NCOR1: variants seen among roughly 807,000 people sequenced by gnomAD.
NCOR1 encodes protein phosphatase 1, regulatory subunit 109.
NCOR1 carries 63 observed loss-of-function variants against 288.1 expected under a neutral mutation model. The ratio of observed to expected loss-of-function variants is 0.22; its 90% CI spans 0.18 to 0.27. NCOR1 has a LOEUF of 0.27. Ranked by LOEUF, NCOR1 falls within the 10% of genes least tolerant of loss-of-function variation. The pLI, the probability that NCOR1 is intolerant of heterozygous loss-of-function variation, is 1.00. For missense variants in NCOR1, 2,397 were observed against 3,019.2 expected (o/e 0.79, Z 4.83); for synonymous variants, 1,007 against 1,065.9 (o/e 0.94, Z 1.08).
intron 23 of NCOR1, chr17:16,084,531 A>G (rs1243578723): frequency 6.6e-6 from 1 of 152,234 alleles, no homozygotes; most frequent in African/African-American, 2.4e-5. Context: ...CTTGAAAAAC[A>G]AAAACACTGA....
intron 19 of NCOR1, among the ~76,000 whole-genome samples, chr17:16,103,602 T>C (rs986420772): frequency 6.6e-6 from 1 of 152,220 alleles, no homozygotes; most frequent in Non-Finnish European, 1.5e-5. Context: ...CTTTATTTAG[T>C]TTGTTCAATG....
At chr17:16,050,068 A>G (rs777578312) in intron 40 of NCOR1, among the ~76,000 whole-genome samples, 5 of 151,716 alleles carry the variant, frequency 3.3e-5, no homozygotes, top group Non-Finnish European at 7.4e-5. Flanking sequence ...TATTTTTATT[A>G]TATGTTTTAT....
intron 14 of NCOR1, among the ~76,000 whole-genome samples, chr17:16,127,221 A>G (rs1486159920): frequency 2.7e-5 from 4 of 146,166 alleles, no homozygotes; most frequent in South Asian, 4.3e-4. Context: ...ATCTGTATGT[A>G]TATATACATG....
At position 16,186,630 on chromosome 17, in the gene NCOR1, G is replaced by C. The variant is rs765835833; in HGVS notation, c.166C>G (p.Leu56Val). 2 of 1,614,104 alleles carry C rather than the reference G, an allele frequency of 1.2e-6. No individual in the cohort carries two copies. Among genetic ancestry groups the C allele is most frequent in the South Asian group, 2.2e-5 (2 of 91,084 alleles). The change falls in exon 3 of 46, where the codon CTT (leucine) becomes GTT (valine). Residue 56 changes from leucine to valine, a missense_variant. Coordinates refer to ENST00000268712, the MANE Select transcript of NCOR1 (RefSeq NM_006311.4). ...TGTTGCTGCTGCTGTTGCTGCAAAA[G>C]CTGTGATGCCTGACTCACTTCAAGA... ...SHLEVSQASQ[L>V]LQQQQQQQLR...
chr17:16,200,552 G>A (rs957340314), intron 1 of NCOR1, among the ~76,000 whole-genome samples: 14 of 147,394 alleles, frequency 9.5e-5, no homozygotes, highest in African/African-American at 3.5e-4. Context: ...TGGCAGGACT[G>A]CAGATGCCAC....
chr17:16,139,328 T>C (rs2076844860), intron 11 of NCOR1, 142 bp from the exon 12 acceptor site: 1 of 545,444 alleles, frequency 1.8e-6, no homozygotes, highest in Non-Finnish European at 3.2e-6. Flanking sequence ...GCATCTAACA[T>C]ACAATAATTA....
intron 1 of NCOR1, among the ~76,000 whole-genome samples, chr17:16,196,042 A>C (rs2153564004): frequency 6.6e-6 from 1 of 151,160 alleles, no homozygotes; most frequent in Admixed American, 6.6e-5. Context: ...ATGTGTGTGC[A>C]TACTCTCTTA....
At chr17:16,062,899 C>T (rs2060692341) in intron 35 of NCOR1, among the ~76,000 whole-genome samples, 1 of 152,188 alleles carries the variant, frequency 6.6e-6, no homozygotes, top group African/African-American at 2.4e-5. Context: ...TTAACCCTAA[C>T]TCTCCCATAA....
At position 16,070,440 on chromosome 17, in the gene NCOR1, A is replaced by G; in HGVS notation, c.4238T>C (p.Leu1413Pro). 1 of 1,614,214 alleles carries G rather than the reference A, an allele frequency of 6.2e-7. No individual in the cohort carries two copies. Among genetic ancestry groups the G allele is most frequent in the African/African-American group, 1.3e-5 (1 of 75,054 alleles). The change falls in exon 31 of 46, where the codon CTA (leucine) becomes CCA (proline). Residue 1413 changes from leucine to proline, a missense_variant. Leu to Pro is a moderately conservative substitution (Grantham distance 98). Coordinates refer to ENST00000268712, the MANE Select transcript of NCOR1 (RefSeq NM_006311.4). ...TTCCAGCGGAGGCATTCCACGGGAT[A>G]GTTTGCTAGGCCCCGTGATTAAGGA... ...VKSLITGPSKLSRGMPPLEIV... is the reference protein window; with the variant it reads ...VKSLITGPSKPSRGMPPLEIV...
chr17:16,091,177 G>A (rs2065116714), intron 22 of NCOR1, among the ~76,000 whole-genome samples: 1 of 151,926 alleles, frequency 6.6e-6, no homozygotes, highest in Non-Finnish European at 1.5e-5. Flanking sequence ...ATGAAAACAG[G>A]TACCTCCATA....
chr17:16,113,080 T>A (rs1568099889), intron 18 of NCOR1, among the ~76,000 whole-genome samples: 1 of 150,858 alleles, frequency 6.6e-6, no homozygotes, highest in Non-Finnish European at 1.5e-5. Flanking sequence ...CCGGCTAACA[T>A]TTTTTTCTGT....
intron 1 of NCOR1, among the ~76,000 whole-genome samples, chr17:16,205,620 T>TAAAAG (rs1048116653): frequency 1.1e-4 from 14 of 125,482 alleles, no homozygotes; most frequent in Admixed American, 3.6e-4. Context: ...AGGCTCTGTC[T>TAAAAG]AAAAGAAAAG....
At chr17:16,069,436 G>A (rs2152711225) in intron 31 of NCOR1, among the ~76,000 whole-genome samples, 1 of 152,216 alleles carries the variant, frequency 6.6e-6, no homozygotes, top group East Asian at 1.9e-4. Context: ...TACCATGTGA[G>A]CCATCAATAA....
chr17:16,061,345 A>G (rs2060528584), intron 37 of NCOR1, 56 bp downstream of exon 37: 1 of 1,562,908 alleles, frequency 6.4e-7, no homozygotes, highest in Non-Finnish European at 8.7e-7. Flanking sequence ...GACCTAAAGA[A>G]TAAAGTAATT....
chr17:16,092,200 T>C (rs2065280889), intron 21 of NCOR1, 142 bp from the exon 22 acceptor site: 1 of 1,109,820 alleles, frequency 9.0e-7, no homozygotes, highest in Admixed American at 2.2e-5. Flanking sequence ...TCTTCAAGAA[T>C]AATGCTTAAG....
chr17:16,131,874 C>T (rs1363031999), intron 14 of NCOR1, among the ~76,000 whole-genome samples: 1 of 152,182 alleles, frequency 6.6e-6, no homozygotes, highest in Non-Finnish European at 1.5e-5. Context: ...TACACACATA[C>T]CCAGTTCTTA....
intron 21 of NCOR1, among the ~76,000 whole-genome samples, chr17:16,096,643 C>T (rs765273827): frequency 2.6e-5 from 4 of 151,984 alleles, no homozygotes; most frequent in Non-Finnish European, 5.9e-5. Context: ...TGGAAATGAC[C>T]GTTTCAATCA....
In NCOR1 at chr17:16,040,462, G is replaced by C; in HGVS notation, c.6712C>G (p.Leu2238Val). Residue 2238 changes from leucine to valine, a missense_variant, in exon 43 of 46, where the codon CTG (leucine) becomes GTG (valine). By Grantham distance (32) the Leu-to-Val change is conservative. Transcript: ENST00000268712. ...TTACCTGACGTAGTAACTGCTGGCAGATTAAAGATCTCAGTTCCTGGCTGA... is the reference window on the plus strand; with the variant it reads ...TTACCTGACGTAGTAACTGCTGGCACATTAAAGATCTCAGTTCCTGGCTGA... ...AAQPGTEIFN[L>V]PAVTTSGSVS... The C allele has an allele frequency of 6.2e-7, 1 of 1,613,710 alleles. No individual in the cohort carries two copies. Among genetic ancestry groups the C allele is most frequent in the South Asian group, 1.1e-5 (1 of 91,010 alleles).
chr17:16,040,072 G>C (rs142477604), intron 43 of NCOR1: 9 of 447,782 alleles, frequency 2.0e-5, no homozygotes, highest in African/African-American at 1.4e-4. Flanking sequence ...TTACAGGCGT[G>C]AGCCACCGCA....
Sources: gnomAD v4.1 joint callset for allele counts (sites outside exome capture counted in the v4.1 genomes callset) on GRCh38, gnomAD v4.1.1 for gene constraint, MANE v1.5 for transcripts, NCBI Gene and HGNC (gene_info 2026-07-23, HGNC 2026-07-21) for gene names.